WDFY4: variants seen among roughly 807,000 people sequenced by gnomAD.
WDFY4 encodes WD repeat- and FYVE domain-containing protein 4.
A neutral mutation model predicts 351.9 loss-of-function variants in WDFY4; 169 were observed. The observed-to-expected ratio is 0.48, with a 90% CI of 0.42 to 0.55. The LOEUF (loss-of-function observed/expected upper bound fraction) is 0.55. Among genes scored for constraint, WDFY4 ranks in the 20% least tolerant of loss-of-function variants. The pLI, the probability that WDFY4 is intolerant of heterozygous loss-of-function variation, is 0.00. For missense variants in WDFY4, 3,803 were observed against 3,935.6 expected (o/e 0.97, Z 0.90); for synonymous variants, 1,622 against 1,574.6 (o/e 1.03, Z -0.71).
Position 48,776,767 on chromosome 10 carries a change from G to A in WDFY4, c.2881G>A (p.Gly961Ser). ...PGCSGSQTAQ[G>S]LAEGPWPAAP... is the part of the protein sequence containing the mutation. ...TGCCCTAGGGTCACAGACTGCACAG[G>A]GCTTGGCTGAGGGGCCCTGGCCAGC... Residue 961 changes from glycine (G) to serine (S), a missense_variant, in exon 16 of 62, where the codon GGC (glycine) becomes AGC (serine). Coordinates refer to ENST00000325239, the MANE Select transcript of WDFY4 (RefSeq NM_001394531.1). The A allele has an allele frequency of 3.2e-6, 5 of 1,549,292 alleles. No homozygotes were observed. Among genetic ancestry groups the A allele is most frequent in the Non-Finnish European group, 3.5e-6 (4 of 1,146,244 alleles).
At chr10:48,958,132 G>C (rs1204645773) in intron 52 of WDFY4, among the ~76,000 whole-genome samples, 28 of 152,322 alleles carry the variant, frequency 1.8e-4, no homozygotes, top group Admixed American at 1.3e-3. Flanking sequence ...CCCCTGTAGG[G>C]GGTACAGCAG....
At chr10:48,839,435 T>A (rs903861130) in intron 39 of WDFY4, among the ~76,000 whole-genome samples, 5 of 152,142 alleles carry the variant, frequency 3.3e-5, no homozygotes, top group African/African-American at 4.8e-5. Context: ...CCCCAGGAGA[T>A]GAATATGACT....
chr10:48,719,874 C>T (rs939073556), intron 2 of WDFY4, 137 bp from the exon 3 acceptor site: 17 of 690,532 alleles, frequency 2.5e-5, no homozygotes, highest in African/African-American at 1.4e-4. Flanking sequence ...GGGTGGGTGA[C>T]GTGGTGGCCT....
At chr10:48,816,241 T>C (rs2067617058) in intron 31 of WDFY4, among the ~76,000 whole-genome samples, 2 of 152,202 alleles carry the variant, frequency 1.3e-5, no homozygotes, top group African/African-American at 4.8e-5. Flanking sequence ...TGGACTCTCT[T>C]GTGACTTAGG....
intron 2 of WDFY4, among the ~76,000 whole-genome samples, chr10:48,714,094 A>G (rs1336007116): frequency 6.6e-6 from 1 of 152,232 alleles, no homozygotes; most frequent in East Asian, 1.9e-4. Flanking sequence ...TCCCAGCTTT[A>G]TAAATGAGGA....
intron 12 of WDFY4, among the ~76,000 whole-genome samples, chr10:48,747,683 C>T (rs1042773814): frequency 2.0e-5 from 3 of 152,112 alleles, no homozygotes; most frequent in African/African-American, 4.8e-5. Context: ...TTTTATATGT[C>T]TAGATATACT....
chr10:48,764,803 G>A (rs1239885636), intron 13 of WDFY4, among the ~76,000 whole-genome samples: 3 of 152,248 alleles, frequency 2.0e-5, no homozygotes, highest in Non-Finnish European at 4.4e-5. Context: ...CACAGGACCT[G>A]TAATCTGGGT....
At position 48,720,123 on chromosome 10, in the gene WDFY4, C is replaced by T. The variant is rs147299795; in HGVS notation, c.347C>T (p.Ala116Val). 1.4e-5 allele frequency: 22 copies of T among 1,551,454 alleles called. No individual in the cohort carries two copies. Among genetic ancestry groups the T allele is most frequent in the Admixed American group, 1.2e-4 (6 of 50,982 alleles). Residue 116 changes from alanine (A) to valine (V), a missense_variant and splice_region_variant, in exon 3 of 62, where the codon GCG becomes GTG. Around this residue, in one of 3 missense-constraint regions of WDFY4, gnomAD observed 488 missense variants for 456.8 expected, o/e 1.07. Transcript: ENST00000325239. Reference protein sequence around the residue: ...QLQKALVGKPAEQARLAAGQL... With the variant: ...QLQKALVGKPVEQARLAAGQL... The stretch of plus-strand genomic sequence containing the variant: ...CAGAAGGCCCTTGTGGGGAAGCCTG[C>T]GGGTAAGAGCATGGAGGTGCTGGCA...
chr10:48,970,022 T>A, intron 56 of WDFY4, 109 bp from the exon 57 acceptor site: 2 of 1,319,624 alleles, frequency 1.5e-6, no homozygotes, highest in Non-Finnish European at 2.0e-6. Context: ...ACATGGCATG[T>A]CCCCAGTTCC....
At chr10:48,978,284 G>A (rs921405543) in intron 59 of WDFY4, 25 bp from the exon 60 acceptor site, 25 of 1,548,364 alleles carry the variant, frequency 1.6e-5, no homozygotes, top group African/African-American at 6.9e-5. Context: ...CTTCCCCGCC[G>A]ATGACATTTG....
intron 29 of WDFY4, among the ~76,000 whole-genome samples, chr10:48,811,294 G>T (rs2067436312): frequency 6.6e-6 from 1 of 152,204 alleles, no homozygotes; most frequent in Non-Finnish European, 1.5e-5. Flanking sequence ...ATTCAAAGCT[G>T]CCCTGTTGCC....
intron 24 of WDFY4, among the ~76,000 whole-genome samples, chr10:48,798,072 C>T (rs1412311445): frequency 6.6e-6 from 1 of 152,090 alleles, no homozygotes; most frequent in Non-Finnish European, 1.5e-5. Flanking sequence ...CTTAGAGACA[C>T]ATGACAAGGG....
rs1243372597 is a variant in WDFY4 at position 48,910,149 on chromosome 10, C to T, written c.7586+8286C>T. On this transcript the variant is annotated intron_variant, in intron 47 of 61. Transcript: ENST00000325239. ...GGTTTCCAGAACATCTCACTTGCCA[C>T]TCTGTCTTCTCCTAACTGGGGGCTT... is the stretch of plus-strand genomic sequence containing the variant. The T allele has an allele frequency of 4.0e-6, 5 of 1,259,212 alleles. No individual in the cohort carries two copies. The Admixed American group carries it at 6.8e-5, about 17-fold the overall frequency. 78.0% of individuals were successfully genotyped at this position (1,259,212 alleles called of 1,614,324 possible). A position where few individuals can be genotyped will look rare whatever the true frequency, so the allele number is the denominator to read the frequency against.
intron 51 of WDFY4, among the ~76,000 whole-genome samples, chr10:48,947,194 T>C: frequency 6.6e-6 from 1 of 152,058 alleles, no homozygotes; most frequent in East Asian, 1.9e-4. Flanking sequence ...CAACAAAGTC[T>C]TGCAAAATGA....
Position 48,976,779 on chromosome 10 carries a change from C to T in WDFY4, c.9109-18C>T. ...GCAGTGACTCCAGCTTAGAGTGATG[C>T]CAGCTCTCACTGCACAGGGCACCAT... On this transcript the variant is annotated intron_variant, in intron 58 of 61. Transcript: ENST00000325239. The T allele has an allele frequency of 7.3e-7, 1 of 1,369,672 alleles. No individual in the cohort carries two copies. Among genetic ancestry groups the T allele is most frequent in the Non-Finnish European group, 9.5e-7 (1 of 1,048,524 alleles). 84.8% of individuals were successfully genotyped at this position (1,369,672 alleles called of 1,614,324 possible).
At chr10:48,961,043 G>A (rs1841838259) in intron 53 of WDFY4, among the ~76,000 whole-genome samples, 1 of 152,176 alleles carries the variant, frequency 6.6e-6, no homozygotes, top group Non-Finnish European at 1.5e-5. Context: ...ACTTTGAACT[G>A]GGCATTTTAA....
At chr10:48,811,468 T>G (rs2067444235) in intron 29 of WDFY4, 71 bp from the exon 30 acceptor site, 2 of 1,397,182 alleles carry the variant, frequency 1.4e-6, no homozygotes, top group South Asian at 2.7e-5. Flanking sequence ...TGTTCCTTTG[T>G]GTGTCCAGGC....
chr10:48,870,817 T>C (rs983946164), intron 40 of WDFY4, among the ~76,000 whole-genome samples: 5 of 152,164 alleles, frequency 3.3e-5, no homozygotes, highest in Admixed American at 1.3e-4. Context: ...ATCACATCTC[T>C]CTCAGGGATC....
intron 24 of WDFY4, among the ~76,000 whole-genome samples, chr10:48,799,416 C>T (rs1234938340): frequency 6.6e-6 from 1 of 150,490 alleles, no homozygotes; most frequent in Admixed American, 6.6e-5. Flanking sequence ...GTGCACTGTA[C>T]GTGCCCATTG....
Sources: allele counts gnomAD v4.1 joint callset (sites outside exome capture counted in the v4.1 genomes callset), GRCh38; gene constraint gnomAD v4.1.1; regional missense constraint gnomAD v4.1.1; transcripts MANE v1.5; gene names NCBI Gene and HGNC (gene_info 2026-07-23, HGNC 2026-07-21).